KLHL30: variants seen among roughly 807,000 people sequenced by gnomAD.
KLHL30 encodes kelch-like protein 30.
Under a neutral mutation model 55.0 loss-of-function variants are expected in KLHL30, and 55 were observed. The ratio of observed to expected loss-of-function variants is 1.00; its 90% CI spans 0.80 to 1.25. The LOEUF (loss-of-function observed/expected upper bound fraction) is 1.25, where lower values mean the gene tolerates loss of function less well. KLHL30 is among the 50% of genes most tolerant of loss of function. KLHL30 has a pLI of 0.00. For synonymous variants in KLHL30, 356 were observed against 372.6 expected (o/e 0.96, Z 0.51); for missense variants, 786 against 811.6 (o/e 0.97, Z 0.38).
Position 238,140,934 on chromosome 2 carries a change from C to T in KLHL30, c.180C>T (p.Ala60=). ...LLALSSPYFH[A]MFAGDFAESF... is the part of the protein sequence containing the mutation. ...CGCTCAGCAGCCCCTACTTCCATGCCATGTTTGCGGGTGACTTCGCCGAGA... is the reference window on the plus strand; with the variant it reads ...CGCTCAGCAGCCCCTACTTCCATGCTATGTTTGCGGGTGACTTCGCCGAGA... The change falls in exon 2 of 8, where the codon GCC becomes GCT. Residue 60 remains alanine, a synonymous_variant. Transcript: ENST00000409223. 5 of 1,611,292 alleles carry T rather than the reference C, an allele frequency of 3.1e-6. No individual in the cohort carries two copies. Among genetic ancestry groups the T allele is most frequent in the East Asian group, 2.2e-5 (1 of 44,832 alleles).
intron 3 of KLHL30, 85 bp downstream of exon 3, chr2:238,143,016 A>T (rs560104826): frequency 2.9e-6 from 4 of 1,401,686 alleles, no homozygotes; most frequent in Non-Finnish European, 3.7e-6. Flanking sequence ...GGTGGAGCGC[A>T]TGAGGCTCGC....
chr2:238,142,251 G>A (rs1692555934), intron 2 of KLHL30, among the ~76,000 whole-genome samples: 1 of 152,190 alleles, frequency 6.6e-6, no homozygotes, highest in Non-Finnish European at 1.5e-5. Context: ...GTGAGTAGTG[G>A]GCTAAACCCT....
Position 238,150,946 on chromosome 2 carries a change from C to G in KLHL30, c.1618C>G (p.Arg540Gly). ...HVEMEAYDTV[R>G]DTWTRHGALP... is the part of the protein sequence containing the mutation. ...GGAGATGGAGGCCTACGACACGGTT[C>G]GGGACACCTGGACCCGCCACGGCGC... Residue 540 changes from arginine to glycine, a missense_variant, in exon 8 of 8, where the codon CGG becomes GGG. Physicochemically the swap from Arg to Gly is moderately radical, Grantham distance 125. Transcript: ENST00000409223. The G allele has an allele frequency of 6.3e-7, 1 of 1,582,842 alleles. No homozygotes were observed. Among genetic ancestry groups the G allele is most frequent in the East Asian group, 2.3e-5 (1 of 42,816 alleles).
At chr2:238,139,488 G>A (rs963048069) in intron 1 of KLHL30, among the ~76,000 whole-genome samples, 1 of 152,130 alleles carries the variant, frequency 6.6e-6, no homozygotes, top group South Asian at 2.1e-4. Context: ...TGCCCTGTGC[G>A]CGAGCCCGGG....
Position 238,147,771 on chromosome 2 carries a change from C to G in KLHL30, c.1151-63C>G. On this transcript the variant is annotated intron_variant, in intron 5 of 7. Coordinates refer to ENST00000409223, the MANE Select transcript of KLHL30 (RefSeq NM_198582.4). The surrounding 1 kb of genome is among the most constrained non-coding windows in gnomAD (Gnocchi z 5.8). ...TTTGCTGCCTTACAAAGCCCCAGCC[C>G]CTGAGTTTCCAGGCCTCCCCTCTCC... The G allele has an allele frequency of 8.9e-7, 1 of 1,122,000 alleles. No individual in the cohort carries two copies. The highest frequency in any genetic ancestry group is 1.2e-6 in the Non-Finnish European group (1 of 839,254). 69.5% of individuals were successfully genotyped at this position (1,122,000 alleles called of 1,614,324 possible).
Position 238,152,205 on chromosome 2 carries a change from T to C in KLHL30, c.*1140T>C. 3 of 985,390 alleles carry C rather than the reference T, an allele frequency of 3.0e-6. No homozygotes were observed. Among genetic ancestry groups the C allele is most frequent in the Non-Finnish European group, 3.6e-6 (3 of 829,996 alleles). The allele number at this position is 985,390 out of a possible 1,614,324, so 61.0% of individuals were successfully genotyped here. A position where few individuals can be genotyped will look rare whatever the true frequency, so the allele number is the denominator to read the frequency against. On this transcript the variant is annotated 3_prime_UTR_variant, in exon 8 of 8. Coordinates refer to ENST00000409223, the MANE Select transcript of KLHL30 (RefSeq NM_198582.4). ...TCTCCCGCCGGATCCAGGCTTCCTCTCCAGGACCAGCCCCTGGGTTCCTCC... is the reference window on the plus strand; with the variant it reads ...TCTCCCGCCGGATCCAGGCTTCCTCCCCAGGACCAGCCCCTGGGTTCCTCC...
intron 1 of KLHL30, among the ~76,000 whole-genome samples, chr2:238,139,255 C>A (rs1219591562): frequency 6.6e-6 from 1 of 152,186 alleles, no homozygotes; most frequent in Non-Finnish European, 1.5e-5. Context: ...GGGAGCACAA[C>A]AATGACGGGA....
intron 2 of KLHL30, among the ~76,000 whole-genome samples, chr2:238,142,519 CT>C (rs1692561535): frequency 6.6e-6 from 1 of 152,186 alleles, no homozygotes; most frequent in Non-Finnish European, 1.5e-5. Flanking sequence ...CTCGTGCCGC[CT>C]GCTGGAGGCC....
At chr2:238,144,432 AAGGC>A (rs1165549782) in intron 3 of KLHL30, among the ~76,000 whole-genome samples, 866 of 82,256 alleles carry the variant, frequency 0.011, 23 homozygotes, top group Admixed American at 0.049. Context: ...GGAAGGAAGG[AAGGC>A]AGGCAGGCAG....
In KLHL30 at chr2:238,140,984, G is replaced by A. The variant is rs367638750; in HGVS notation, c.230G>A (p.Arg77Gln). 4.8e-5 allele frequency: 77 copies of A among 1,612,320 alleles called. No homozygotes were observed. Among genetic ancestry groups the A allele is most frequent in the African/African-American group, 3.9e-4 (29 of 74,938 alleles). ...AGCTTCTCTGCGCGCGTGGAGCTGC[G>A]GGACGTGGAGCCCGCCGTGGTGGGA... The part of the protein sequence containing the change: ...AESFSARVEL[R>Q]DVEPAVVGQL... The change falls in exon 2 of 8, where the codon CGG becomes CAG. Residue 77 changes from arginine (R) to glutamine (Q), a missense_variant. By Grantham distance (43) the Arg-to-Gln change is conservative (BLOSUM62 1). Coordinates refer to ENST00000409223, the MANE Select transcript of KLHL30 (RefSeq NM_198582.4).
intron 1 of KLHL30, among the ~76,000 whole-genome samples, chr2:238,139,797 T>C (rs1574754642): frequency 1.3e-5 from 2 of 152,228 alleles, no homozygotes; most frequent in Non-Finnish European, 2.9e-5. Context: ...CCTTTCGCCC[T>C]GGGGTGACCC....
chr2:238,140,351 TGG>T (rs991021913), intron 1 of KLHL30, among the ~76,000 whole-genome samples: 4 of 152,144 alleles, frequency 2.6e-5, no homozygotes, highest in African/African-American at 9.7e-5. Context: ...CCGGGGTCCC[TGG>T]GGGGTGGGCT....
intron 7 of KLHL30, 89 bp downstream of exon 7, chr2:238,149,241 C>A: frequency 6.5e-7 from 1 of 1,529,506 alleles, no homozygotes; most frequent in South Asian, 1.2e-5. Flanking sequence ...GGATGGGGTG[C>A]CACAGAGGGC....
chr2:238,146,396 T>G (rs1006729099), intron 5 of KLHL30, among the ~76,000 whole-genome samples: 9 of 150,544 alleles, frequency 6.0e-5, no homozygotes, highest in African/African-American at 2.2e-4. Flanking sequence ...ATTTATTTAT[T>G]TATGTATTTT....
At position 238,152,085 on chromosome 2, in the gene KLHL30, C is replaced by A; in HGVS notation, c.*1020C>A. On this transcript the variant is annotated 3_prime_UTR_variant, in exon 8 of 8. Transcript: ENST00000409223. ...GCCCAATGGCGTGTCCCTCCTGTCA[C>A]AGGCTCCGCCCTGGGACATGGGGCT... 1.0e-6 allele frequency: 1 copy of A among 985,556 alleles called. No individual in the cohort carries two copies. Among genetic ancestry groups the A allele is most frequent in the Non-Finnish European group, 1.2e-6 (1 of 830,008 alleles). 61.1% of individuals were successfully genotyped at this position (985,556 alleles called of 1,614,324 possible).
In KLHL30 at chr2:238,145,766, C is replaced by CCCATGCTGAA; in HGVS notation, c.1085_1094dup (p.Lys365AsnfsTer35). On this transcript the variant is annotated frameshift_variant, in exon 5 of 8. Transcript: ENST00000409223. LOFTEE classifies it high-confidence loss of function. ...GGAGGCCTCCTGGAAGCCCGTGGCG[C>CCCATGCTGAA]CCATGCTGAAGCCCCGCACCAACCA... 1 of 1,606,418 alleles carries CCCATGCTGAA rather than the reference C, an allele frequency of 6.2e-7. No individual in the cohort carries two copies. Among genetic ancestry groups the CCCATGCTGAA allele is most frequent in the Non-Finnish European group, 8.5e-7 (1 of 1,177,494 alleles).
intron 6 of KLHL30, among the ~76,000 whole-genome samples, chr2:238,148,490 G>A (rs1340506208): frequency 2.0e-5 from 3 of 152,226 alleles, no homozygotes; most frequent in Admixed American, 6.5e-5. Context: ...GCTCTGAGCC[G>A]TCCACCCCGA....
chr2:238,150,884 GCGGC>G lies in KLHL30; in HGVS notation c.1559_1562del (p.Gly520AlafsTer189). On this transcript the variant is annotated frameshift_variant, in exon 8 of 8. Coordinates refer to ENST00000409223, the MANE Select transcript of KLHL30 (RefSeq NM_198582.4). LOFTEE classifies it high-confidence loss of function. ...CTGGGTGATGCGCTGTACGTGACGG[GCGGC>G]CGCTGGCAGGGCATGGAAGGTGACT... The G allele has an allele frequency of 6.3e-7, 1 of 1,598,088 alleles. No homozygotes were observed. Among genetic ancestry groups the G allele is most frequent in the Non-Finnish European group, 8.5e-7 (1 of 1,173,714 alleles).
Position 238,144,408 on chromosome 2 carries a change from A to AAGGC in KLHL30, c.908-491_908-490insCAGG, listed in dbSNP as rs1692600597. ...GAAGGAAGGAAGGAAGGAAGGAAGG[A>AAGGC]AGGAAGGAAGGAAGGAAGGAAGGAA... is the stretch of plus-strand genomic sequence containing the variant. On this transcript the variant is annotated intron_variant, in intron 3 of 7. Transcript: ENST00000409223. 5.9e-5 allele frequency among the ~76,000 whole-genome samples: 7 copies of AAGGC among 119,486 alleles called. 1 individual carries two copies. The highest frequency in any genetic ancestry group is 1.7e-4 in the African/African-American group (5 of 29,552). The allele number at this position is 119,486 out of a possible 152,430, so 78.4% of individuals were successfully genotyped here.
Sources: allele counts gnomAD v4.1 joint callset (sites outside exome capture counted in the v4.1 genomes callset), GRCh38; gene constraint gnomAD v4.1.1; non-coding constraint Gnocchi (gnomAD v3.1); transcripts MANE v1.5; gene names NCBI Gene and HGNC (gene_info 2026-07-23, HGNC 2026-07-21).